GALNT13: variants seen among roughly 807,000 people sequenced by gnomAD.
The protein encoded by GALNT13 is UDP-GalNAc:polypeptide N-acetylgalactosaminyltransferase 13.
In GALNT13, 28 loss-of-function variants were observed where a neutral mutation model predicts 64.2. The observed-to-expected ratio is 0.44, with a 90% CI of 0.32 to 0.60. The LOEUF (loss-of-function observed/expected upper bound fraction) is 0.60. Ranked by LOEUF, GALNT13 falls within the 20% of genes least tolerant of loss-of-function variation. GALNT13 has a pLI of 0.05. For synonymous variants in GALNT13, 214 were observed against 224.6 expected (o/e 0.95, Z 0.42); for missense variants, 577 against 669.8 (o/e 0.86, Z 1.53).
intron 3 of GALNT13, among the ~76,000 whole-genome samples, chr2:153,947,842 T>C (rs1046452034): frequency 5.3e-5 from 8 of 152,132 alleles, no homozygotes; most frequent in African/African-American, 1.9e-4. Flanking sequence ...TTAATCCATC[T>C]TGAGTTAATT....
At chr2:153,072,179 C>T in the GALNT13 span, among the ~76,000 whole-genome samples, 1 of 152,148 alleles carries the variant, frequency 6.6e-6, no homozygotes, top group Non-Finnish European at 1.5e-5. Flanking sequence ...TTGATGAAGG[C>T]CAAACCTCAT....
At chr2:153,829,562 T>C in the GALNT13 span, among the ~76,000 whole-genome samples, 1 of 152,182 alleles carries the variant, frequency 6.6e-6, no homozygotes, top group Non-Finnish European at 1.5e-5. Flanking sequence ...GTTCTTCCCA[T>C]AGCACATGAG....
chr2:153,695,942 G>T, the GALNT13 span, among the ~76,000 whole-genome samples: 1 of 152,134 alleles, frequency 6.6e-6, no homozygotes. Flanking sequence ...TGAAACCACA[G>T]ATAGTATTGA....
the GALNT13 span, among the ~76,000 whole-genome samples, chr2:153,833,501 G>A: frequency 6.6e-6 from 1 of 152,112 alleles, no homozygotes; most frequent in African/African-American, 2.4e-5. Flanking sequence ...GTGAAATTGT[G>A]AAGAAAGAAG....
the GALNT13 span, among the ~76,000 whole-genome samples, chr2:153,202,422 G>A: frequency 2.0e-5 from 3 of 152,218 alleles, no homozygotes; most frequent in East Asian, 1.9e-4. Flanking sequence ...ATGCTTGGAA[G>A]CAGTAGAGAA....
chr2:153,712,786 A>G, the GALNT13 span, among the ~76,000 whole-genome samples: 1 of 152,358 alleles, frequency 6.6e-6, no homozygotes, highest in African/African-American at 2.4e-5. Flanking sequence ...TATGAAAGCC[A>G]TCATTGGAGC....
At chr2:153,954,753 G>T (rs1315421272) in intron 3 of GALNT13, among the ~76,000 whole-genome samples, 1 of 151,926 alleles carries the variant, frequency 6.6e-6, no homozygotes, top group Non-Finnish European at 1.5e-5. Context: ...GAGAAACTGG[G>T]CTATGGAAAG....
chr2:153,614,602 T>C, the GALNT13 span, among the ~76,000 whole-genome samples: 431 of 152,190 alleles, frequency 2.8e-3, 9 homozygotes, highest in Admixed American at 0.023. Context: ...CAAAGACTAT[T>C]TGGAACTTTT....
At chr2:154,262,936 A>T (rs754370283) in intron 8 of GALNT13, among the ~76,000 whole-genome samples, 2 of 152,170 alleles carry the variant, frequency 1.3e-5, no homozygotes, top group Non-Finnish European at 2.9e-5. Flanking sequence ...TCTTTAAATA[A>T]TAACCGTGTT....
At chr2:153,651,904 C>G in the GALNT13 span, among the ~76,000 whole-genome samples, 31 of 152,216 alleles carry the variant, frequency 2.0e-4, no homozygotes, top group African/African-American at 7.5e-4. Context: ...ATTCTGGTTA[C>G]CAACTTCAAC....
the GALNT13 span, among the ~76,000 whole-genome samples, chr2:153,125,059 A>T: frequency 6.6e-6 from 1 of 152,234 alleles, no homozygotes; most frequent in Admixed American, 6.5e-5. Flanking sequence ...AATTTCAGAT[A>T]ATCAATGAAT....
the GALNT13 span, among the ~76,000 whole-genome samples, chr2:153,639,047 T>C: frequency 2.8e-5 from 1 of 35,448 alleles, no homozygotes; most frequent in Non-Finnish European, 5.9e-5. Context: ...TTGTTTTGTT[T>C]TGTTTTGTTT....
chr2:153,464,761 C>T, the GALNT13 span, among the ~76,000 whole-genome samples: 1 of 151,902 alleles, frequency 6.6e-6, no homozygotes, highest in Non-Finnish European at 1.5e-5. Context: ...ACAGACAACT[C>T]GGGTCTTAGG....
intron 2 of GALNT13, among the ~76,000 whole-genome samples, chr2:153,935,152 A>G (rs1036905280): frequency 5.9e-5 from 9 of 152,196 alleles, no homozygotes; most frequent in Admixed American, 2.6e-4. Flanking sequence ...CAGTCACTGT[A>G]AATAAGTCTA....
chr2:153,742,056 GC>G, the GALNT13 span, among the ~76,000 whole-genome samples: 1 of 152,048 alleles, frequency 6.6e-6, no homozygotes, highest in African/African-American at 2.4e-5. Flanking sequence ...ACCATACTGT[GC>G]AATGGATTTT....
the GALNT13 span, among the ~76,000 whole-genome samples, chr2:153,745,691 T>C: frequency 1.1e-4 from 17 of 152,176 alleles, no homozygotes; most frequent in Non-Finnish European, 2.1e-4. Flanking sequence ...CAAAATATCA[T>C]AATTCGTTTG....
chr2:153,222,307 T>TGGGGGGGGGGGGGGGGGG, the GALNT13 span, among the ~76,000 whole-genome samples: 1 of 6,328 alleles, frequency 1.6e-4, no homozygotes, highest in East Asian at 1.5e-3. Context: ...TGAGTCTGGC[T>TGGGGGGGGGGGGGGGGGG]GGGGGGGGGG....
chr2:153,819,621 C>G, the GALNT13 span, among the ~76,000 whole-genome samples: 1 of 152,340 alleles, frequency 6.6e-6, no homozygotes, highest in Non-Finnish European at 1.5e-5. Context: ...CCTGAAACAA[C>G]AGAGAACACC....
At chr2:153,426,191 G>A in the GALNT13 span, among the ~76,000 whole-genome samples, 1 of 151,736 alleles carries the variant, frequency 6.6e-6, no homozygotes, top group Non-Finnish European at 1.5e-5. Flanking sequence ...CCATTAATCA[G>A]CATTGGAGAT....
Sources: gnomAD v4.1 joint callset for allele counts (sites outside exome capture counted in the v4.1 genomes callset) on GRCh38, gnomAD v4.1.1 for gene constraint, MANE v1.5 for transcripts, NCBI Gene and HGNC (gene_info 2026-07-23, HGNC 2026-07-21) for gene names.